The following ARID1B variants were observed in gnomAD, a reference collection of about 807,000 sequenced individuals.
ARID1B encodes AT-rich interaction domain 1B, also known as AT-rich interactive domain-containing protein 1B.
ARID1B carries 30 observed loss-of-function variants against 212.3 expected under a neutral mutation model. The observed-to-expected ratio is 0.14, with a 90% confidence interval of 0.11 to 0.19. The LOEUF (loss-of-function observed/expected upper bound fraction) is 0.19, where lower values mean the gene tolerates loss of function less well. Ranked by LOEUF, ARID1B falls within the 10% of genes least tolerant of loss-of-function variation. The probability of loss-of-function intolerance (pLI) is 1.00; values close to 1 mark genes in which losing one functional copy is unlikely to be tolerated. For synonymous variants in ARID1B, 1,402 were observed against 1,301.7 expected (o/e 1.08, Z -1.66); for missense variants, 2,891 against 3,204.0 (o/e 0.90, Z 2.36).
chr6:156,841,818 G>A (rs951599692), intron 2 of ARID1B, among the ~76,000 whole-genome samples: 9 of 152,146 alleles, frequency 5.9e-5, no homozygotes, highest in Non-Finnish European at 5.9e-5. Context: ...GCTAAGGGGA[G>A]GGGTTACTCA....
chr6:156,965,466 G>A (rs981881354), intron 4 of ARID1B, among the ~76,000 whole-genome samples: 6 of 152,160 alleles, frequency 3.9e-5, no homozygotes, highest in African/African-American at 9.7e-5. Flanking sequence ...TTTGTTATTC[G>A]ATGACTGCTC....
Position 156,981,650 on chromosome 6 carries a change from C to T in ARID1B, c.2247+46074C>T, listed in dbSNP as rs1224334630. 2.6e-5 allele frequency among the ~76,000 whole-genome samples: 4 copies of T among 152,146 alleles called. No homozygotes were observed. In the East Asian group the frequency reaches 7.7e-4, roughly 29 times the overall value. ...CTTTCCCACTCTTCAATGTCCTACC[C>T]ATCTAATCCCATCAGGTTTTGGTTA... On this transcript the variant is annotated intron_variant, in intron 4 of 19. Coordinates refer to ENST00000636930, the MANE Select transcript of ARID1B (RefSeq NM_001374828.1).
intron 4 of ARID1B, among the ~76,000 whole-genome samples, chr6:156,978,940 TATG>T (rs1184801363): frequency 6.6e-6 from 1 of 152,246 alleles, no homozygotes; most frequent in African/African-American, 2.4e-5. Flanking sequence ...CTCAAATGTA[TATG>T]ATAATACATT....
intron 4 of ARID1B, among the ~76,000 whole-genome samples, chr6:156,957,975 G>T (rs188367812): frequency 1.3e-5 from 2 of 152,124 alleles, no homozygotes; most frequent in South Asian, 4.1e-4. Flanking sequence ...CACTTTTTTA[G>T]TGCTCTACAT....
intron 4 of ARID1B, among the ~76,000 whole-genome samples, chr6:157,019,996 G>T (rs115658365): frequency 6.6e-6 from 1 of 151,894 alleles, no homozygotes. Flanking sequence ...GGGTTTTTTC[G>T]CCCCCTGCCT....
Position 156,805,699 on chromosome 6 carries a change from A to T in ARID1B, c.1792-23528A>T, listed in dbSNP as rs61455712. ...TTTGCAACTTTTTAATTATTTATTT[A>T]ATTTTATTTTTTTTTAGAGACAGTG... On this transcript the variant is annotated intron_variant, in intron 1 of 19. Coordinates refer to ENST00000636930, the MANE Select transcript of ARID1B (RefSeq NM_001374828.1). Among the ~76,000 whole-genome samples the T allele has an allele frequency of 7.3e-3, 1,105 of 152,166 alleles. 15 individuals are homozygous for T. Among genetic ancestry groups the T allele is most frequent in the African/African-American group, 0.026 (1,061 of 41,492 alleles).
chr6:156,836,391 C>G (rs1406374264), intron 2 of ARID1B, among the ~76,000 whole-genome samples: 3 of 152,096 alleles, frequency 2.0e-5, no homozygotes, highest in African/African-American at 7.2e-5. Context: ...GGGGGCAGCT[C>G]ACACCTTCTG....
intron 2 of ARID1B, among the ~76,000 whole-genome samples, chr6:156,891,063 CTTTA>C (rs1285690140): frequency 3.3e-5 from 5 of 152,156 alleles, no homozygotes; most frequent in Admixed American, 6.5e-5. Flanking sequence ...ACCTTGTAAA[CTTTA>C]TTTATTACCT....
chr6:157,118,688 A>T (rs1303238819), intron 6 of ARID1B, among the ~76,000 whole-genome samples: 2 of 152,244 alleles, frequency 1.3e-5, no homozygotes, highest in African/African-American at 4.8e-5. Flanking sequence ...TAATGAAGGC[A>T]GTCATGGCAC....
chr6:156,807,188 T>C (rs1781231098), intron 1 of ARID1B, among the ~76,000 whole-genome samples: 3 of 146,630 alleles, frequency 2.0e-5, no homozygotes, highest in Non-Finnish European at 4.5e-5. Flanking sequence ...CAACTCTTTA[T>C]TCTCTAGCAT....
chr6:157,069,644 A>G (rs566519411), intron 4 of ARID1B, among the ~76,000 whole-genome samples: 1 of 152,302 alleles, frequency 6.6e-6, no homozygotes, highest in South Asian at 2.1e-4. Context: ...ATGTTATTCA[A>G]GGGCAATCCT....
intron 15 of ARID1B, among the ~76,000 whole-genome samples, chr6:157,191,101 G>GT (rs1010946591): frequency 6.5e-4 from 98 of 151,672 alleles, no homozygotes; most frequent in African/African-American, 1.4e-3. Flanking sequence ...GATGTGAGTA[G>GT]TTTTTTTTTG....
intron 3 of ARID1B, among the ~76,000 whole-genome samples, chr6:156,916,490 T>C (rs1790367523): frequency 6.6e-6 from 1 of 152,206 alleles, no homozygotes; most frequent in Admixed American, 6.5e-5. Flanking sequence ...AGAAGTTGCT[T>C]CCATTTTAAA....
At chr6:157,095,078 G>T (rs1785519924) in intron 5 of ARID1B, among the ~76,000 whole-genome samples, 1 of 152,210 alleles carries the variant, frequency 6.6e-6, no homozygotes, top group Non-Finnish European at 1.5e-5. Flanking sequence ...AGGCTTTAGG[G>T]TTCAGGATGA....
chr6:156,990,794 T>C (rs1009011127), intron 4 of ARID1B, among the ~76,000 whole-genome samples: 2 of 152,204 alleles, frequency 1.3e-5, no homozygotes, highest in Non-Finnish European at 2.9e-5. Flanking sequence ...GTCAGGCCTT[T>C]TCCTGACATA....
intron 8 of ARID1B, among the ~76,000 whole-genome samples, chr6:157,159,364 C>T (rs1790777286): frequency 6.6e-6 from 1 of 152,194 alleles, no homozygotes. Context: ...GACAAGGAGG[C>T]CTCTCGCCTC....
intron 12 of ARID1B, among the ~76,000 whole-genome samples, chr6:157,181,779 T>C (rs1442821130): frequency 6.6e-6 from 1 of 152,180 alleles, no homozygotes; most frequent in Non-Finnish European, 1.5e-5. Context: ...TGAAGTCTCA[T>C]ACCCCAGGCA....
chr6:156,812,807 C>T (rs138283470), intron 1 of ARID1B, among the ~76,000 whole-genome samples: 1,839 of 150,392 alleles, frequency 0.012, 19 homozygotes, highest in Non-Finnish European at 0.018. Flanking sequence ...GGGACAAGCT[C>T]GACTTTTCCT....
At chr6:156,961,240 C>T (rs1271996901) in intron 4 of ARID1B, among the ~76,000 whole-genome samples, 1 of 152,258 alleles carries the variant, frequency 6.6e-6, no homozygotes, top group Non-Finnish European at 1.5e-5. Flanking sequence ...GAAACCAATC[C>T]TGCAACACTG....
Sources: allele counts gnomAD v4.1 joint callset (sites outside exome capture counted in the v4.1 genomes callset), GRCh38; gene constraint gnomAD v4.1.1; transcripts MANE v1.5; gene names NCBI Gene and HGNC (gene_info 2026-07-23, HGNC 2026-07-21).